The following CELF4 variants were observed in gnomAD, a reference collection of about 807,000 sequenced individuals.
The protein encoded by CELF4 is CUGBP Elav-like family member 4.
A neutral mutation model predicts 59.9 loss-of-function variants in CELF4; 18 were observed. That is an observed-to-expected ratio of 0.30 (90% CI 0.21 to 0.45). The LOEUF is 0.45. Among genes scored for constraint, CELF4 ranks in the 20% least tolerant of loss-of-function variants. CELF4 has a pLI of 1.00. For missense variants in CELF4, 456 were observed against 689.0 expected (o/e 0.66, Z 3.79); for synonymous variants, 261 against 267.1 (o/e 0.98, Z 0.22).
chr18:37,431,530 G>C (rs2099666081), intron 2 of CELF4, among the ~76,000 whole-genome samples: 1 of 151,906 alleles, frequency 6.6e-6, no homozygotes, highest in Non-Finnish European at 1.5e-5. Flanking sequence ...ACCACGCCCA[G>C]CTAATTATTT....
intron 1 of CELF4, among the ~76,000 whole-genome samples, chr18:37,549,623 G>T (rs552077872): frequency 1.3e-5 from 2 of 152,086 alleles, no homozygotes; most frequent in Non-Finnish European, 2.9e-5. Flanking sequence ...TATAAAAAAG[G>T]TATCAACTGT....
intron 3 of CELF4, among the ~76,000 whole-genome samples, chr18:37,294,156 C>A (rs112040031): frequency 6.6e-6 from 1 of 152,270 alleles, no homozygotes; most frequent in African/African-American, 2.4e-5. Context: ...GGGACTCCCA[C>A]GGTTCTGTGT....
At chr18:37,286,341 G>A (rs2094763337) in intron 3 of CELF4, among the ~76,000 whole-genome samples, 1 of 152,156 alleles carries the variant, frequency 6.6e-6, no homozygotes, top group South Asian at 2.1e-4. Flanking sequence ...GCTGTGTGTG[G>A]GGCAGTGGTC....
intron 2 of CELF4, among the ~76,000 whole-genome samples, chr18:37,436,192 C>T (rs959098433): frequency 6.6e-6 from 1 of 152,210 alleles, no homozygotes; most frequent in South Asian, 2.1e-4. Flanking sequence ...GGCGCTGGCT[C>T]GCTTAAGAGA....
chr18:37,299,926 G>A (rs916422478), intron 3 of CELF4, among the ~76,000 whole-genome samples: 1 of 152,058 alleles, frequency 6.6e-6, no homozygotes, highest in Non-Finnish European at 1.5e-5. Context: ...GTTGTCCCAG[G>A]GCCTGGAGTG....
At chr18:37,430,714 G>A (rs1018099647) in intron 2 of CELF4, among the ~76,000 whole-genome samples, 4 of 152,242 alleles carry the variant, frequency 2.6e-5, no homozygotes, top group African/African-American at 9.6e-5. Context: ...GCTGTCAGAT[G>A]CCTCCTCCTG....
intron 1 of CELF4, among the ~76,000 whole-genome samples, chr18:37,556,585 G>T (rs1004162600): frequency 6.6e-6 from 1 of 152,170 alleles, no homozygotes; most frequent in Non-Finnish European, 1.5e-5. Flanking sequence ...CTCTGTGGCT[G>T]CTGTTGTGCC....
chr18:37,490,735 T>TGCCCTCCCATTTTTGGAGG (rs2099900145), intron 1 of CELF4, among the ~76,000 whole-genome samples: 1 of 152,264 alleles, frequency 6.6e-6, no homozygotes, highest in South Asian at 2.1e-4. Context: ...TCCCCGTCTT[T>TGCCCTCCCATTTTTGGAGG]GCCCTCCCAT....
intron 3 of CELF4, among the ~76,000 whole-genome samples, chr18:37,307,878 T>G (rs2096494424): frequency 6.6e-6 from 1 of 152,072 alleles, no homozygotes. Flanking sequence ...GGACAAAGCA[T>G]TGCAGTGGGG....
At chr18:37,271,415 C>T (rs940241700) in intron 7 of CELF4, among the ~76,000 whole-genome samples, 6 of 152,076 alleles carry the variant, frequency 3.9e-5, no homozygotes, top group African/African-American at 1.4e-4. Context: ...CCACCAGGCC[C>T]AGCTAATTTT....
In CELF4 at chr18:37,270,750, G is replaced by A; in HGVS notation, c.1099+18C>T. On this transcript the variant is annotated intron_variant, in intron 8 of 12. Transcript: ENST00000420428. ...GAATGTGCTGCATACGGAAATAAGT[G>A]CTGACAGATGTGCTTACCTGGGTAG... 1.2e-6 allele frequency: 2 copies of A among 1,613,658 alleles called. No homozygotes were observed. Among genetic ancestry groups the A allele is most frequent in the Non-Finnish European group, 1.7e-6 (2 of 1,179,824 alleles).
chr18:37,455,468 G>T (rs556684565), intron 2 of CELF4, among the ~76,000 whole-genome samples: 5 of 152,284 alleles, frequency 3.3e-5, no homozygotes, highest in African/African-American at 1.2e-4. Context: ...CACAGCCAAG[G>T]CCTGGGCTGT....
At chr18:37,463,514 CTG>C (rs1488093016) in intron 2 of CELF4, among the ~76,000 whole-genome samples, 1 of 152,226 alleles carries the variant, frequency 6.6e-6, no homozygotes, top group Non-Finnish European at 1.5e-5. Flanking sequence ...AGAGATTAAA[CTG>C]TCTTCCTAGG....
chr18:37,555,375 G>C (rs2099984469), intron 1 of CELF4, among the ~76,000 whole-genome samples: 1 of 152,152 alleles, frequency 6.6e-6, no homozygotes, highest in South Asian at 2.1e-4. Context: ...GGCCGGATGA[G>C]GGAGAGTGTT....
chr18:37,505,988 G>A (rs139362534), intron 1 of CELF4, among the ~76,000 whole-genome samples: 1 of 150,318 alleles, frequency 6.7e-6, no homozygotes, highest in African/African-American at 2.5e-5. Context: ...CGGGCAAGTT[G>A]CCCCTCCCAG....
chr18:37,560,139 G>A (rs2099986106), intron 1 of CELF4, among the ~76,000 whole-genome samples: 2 of 152,212 alleles, frequency 1.3e-5, no homozygotes, highest in South Asian at 4.1e-4. Context: ...GCTTGGGGAT[G>A]GGAGGGACGT....
intron 3 of CELF4, among the ~76,000 whole-genome samples, chr18:37,301,764 A>C (rs756495951): frequency 2.0e-5 from 3 of 152,194 alleles, no homozygotes; most frequent in Non-Finnish European, 4.4e-5. Flanking sequence ...CACTCGGCTA[A>C]TGGCTCATTG....
intron 9 of CELF4, 109 bp downstream of exon 9, chr18:37,266,424 T>C (rs974570480): frequency 2.7e-6 from 3 of 1,123,572 alleles, no homozygotes; most frequent in Non-Finnish European, 3.9e-6. Flanking sequence ...CCACTCTCTC[T>C]CCCCACCCCA....
chr18:37,440,602 C>G (rs142970637), intron 2 of CELF4, among the ~76,000 whole-genome samples: 51 of 152,228 alleles, frequency 3.4e-4, no homozygotes, highest in African/African-American at 1.1e-3. Context: ...GGAGGTGGGG[C>G]CCACAGGGAA....
Sources: gnomAD v4.1 joint callset for allele counts (sites outside exome capture counted in the v4.1 genomes callset) on GRCh38, gnomAD v4.1.1 for gene constraint, MANE v1.5 for transcripts, NCBI Gene and HGNC (gene_info 2026-07-23, HGNC 2026-07-21) for gene names.